The following CSMD3 variants were observed in gnomAD, a reference collection of about 807,000 sequenced individuals.
CSMD3 encodes the protein CUB and sushi domain-containing protein 3.
A neutral mutation model predicts 435.2 loss-of-function variants in CSMD3; 177 were observed. That is an observed-to-expected ratio of 0.41 (90% CI 0.36 to 0.46). CSMD3 has a LOEUF of 0.46. CSMD3 is among the 20% of genes least tolerant of loss of function. CSMD3 has a pLI of 0.34. For missense variants in CSMD3, 4,265 were observed against 4,504.6 expected (o/e 0.95, Z 1.52); for synonymous variants, 1,656 against 1,520.5 (o/e 1.09, Z -2.07).
chr8:112,415,181 G>T (rs1457722219), intron 32 of CSMD3, among the ~76,000 whole-genome samples: 1 of 152,204 alleles, frequency 6.6e-6, no homozygotes, highest in Non-Finnish European at 1.5e-5. Flanking sequence ...GCTTAGGAGG[G>T]AAAAATGGTT....
chr8:112,578,865 C>T (rs1436312067), intron 23 of CSMD3, among the ~76,000 whole-genome samples: 2 of 151,972 alleles, frequency 1.3e-5, no homozygotes, highest in Admixed American at 6.6e-5. Flanking sequence ...AGTGTCAGGC[C>T]TAATTTGGCT....
intron 16 of CSMD3, among the ~76,000 whole-genome samples, chr8:112,669,427 T>C (rs1490385055): frequency 6.6e-6 from 1 of 152,192 alleles, no homozygotes; most frequent in Non-Finnish European, 1.5e-5. Flanking sequence ...TATCCAAACT[T>C]AACAATGTTG....
chr8:112,410,628 G>GTATATATATATGTATATATATATGTGTA lies in CSMD3; in HGVS notation c.5396-1597_5396-1596insTACACATATATATATACATATATATATA, dbSNP rs373147062. ...TGTATATATATATGTATATATATGT[G>GTATATATATATGTATATATATATGTGTA]TATATATATGTATATATATATGTGT... On this transcript the variant is annotated intron_variant, in intron 32 of 70. Coordinates refer to ENST00000297405, the MANE Select transcript of CSMD3 (RefSeq NM_198123.2). Among the ~76,000 whole-genome samples the GTATATATATATGTATATATATATGTGTA allele has an allele frequency of 2.1e-4, 15 of 69,960 alleles. 1 individual carries two copies. The highest frequency in any genetic ancestry group is 4.4e-4 in the East Asian group (1 of 2,260). The allele number at this position is 69,960 out of a possible 152,430, so 45.9% of individuals were successfully genotyped here.
intron 12 of CSMD3, among the ~76,000 whole-genome samples, chr8:112,827,392 C>G (rs188049255): frequency 6.6e-6 from 1 of 151,374 alleles, no homozygotes; most frequent in Non-Finnish European, 1.5e-5. Context: ...TGAATGAAAG[C>G]TTCTTAAAAA....
intron 13 of CSMD3, among the ~76,000 whole-genome samples, chr8:112,783,960 C>T (rs1304277333): frequency 6.6e-6 from 1 of 151,900 alleles, no homozygotes; most frequent in Non-Finnish European, 1.5e-5. Context: ...AATATTAGTG[C>T]TAAAGAAAGA....
At chr8:113,163,719 T>A (rs2092092788) in intron 4 of CSMD3, among the ~76,000 whole-genome samples, 1 of 152,032 alleles carries the variant, frequency 6.6e-6, no homozygotes, top group South Asian at 2.1e-4. Flanking sequence ...AAAAATTGGG[T>A]CAGAACTAAA....
At chr8:112,361,778 A>G (rs1224435798) in intron 38 of CSMD3, among the ~76,000 whole-genome samples, 2 of 151,248 alleles carry the variant, frequency 1.3e-5, no homozygotes, top group Admixed American at 6.6e-5. Flanking sequence ...CTATGTATCT[A>G]TTTATTGAAA....
chr8:113,376,950 G>A lies in CSMD3; in HGVS notation c.178+59727C>T, dbSNP rs544716325. 812 of 1,542,454 alleles carry A rather than the reference G, an allele frequency of 5.3e-4. 4 individuals are homozygous for A. The African/African-American group carries it at 9.7e-3, about 18-fold the overall frequency. On this transcript the variant is annotated intron_variant, in intron 1 of 70. Transcript: ENST00000297405. ...TAACGGATGACGTGCGGGTTCAGGA[G>A]GTGCCCAAACTAAAGGTGTGTGCGC...
chr8:112,382,291 CAAAA>C (rs11384093), intron 37 of CSMD3, among the ~76,000 whole-genome samples: 1 of 116,766 alleles, frequency 8.6e-6, no homozygotes, highest in Non-Finnish European at 1.7e-5. Flanking sequence ...CTCTAAAATG[CAAAA>C]AAAAAAAAAA....
chr8:112,386,304 A>G (rs1317104595), intron 36 of CSMD3, among the ~76,000 whole-genome samples: 1 of 152,214 alleles, frequency 6.6e-6, no homozygotes, highest in African/African-American at 2.4e-5. Flanking sequence ...TACAGCAGCC[A>G]GAGAGATGTA....
At chr8:113,011,423 T>A (rs2086251542) in intron 6 of CSMD3, among the ~76,000 whole-genome samples, 1 of 151,894 alleles carries the variant, frequency 6.6e-6, no homozygotes, top group East Asian at 1.9e-4. Context: ...ACAGCAAAAA[T>A]TTTATTTCAG....
intron 22 of CSMD3, among the ~76,000 whole-genome samples, chr8:112,599,648 A>C (rs2131409010): frequency 6.6e-6 from 1 of 151,898 alleles, no homozygotes; most frequent in East Asian, 1.9e-4. Flanking sequence ...AACTGGATTA[A>C]GAAAATGTGG....
At chr8:113,394,500 C>A (rs1044606071) in intron 1 of CSMD3, among the ~76,000 whole-genome samples, 36 of 151,994 alleles carry the variant, frequency 2.4e-4, no homozygotes, top group Non-Finnish European at 4.4e-5. Context: ...CCTAAAAATG[C>A]TGGATCACAT....
intron 9 of CSMD3, among the ~76,000 whole-genome samples, chr8:112,946,087 A>G (rs2083602145): frequency 6.6e-6 from 1 of 151,808 alleles, no homozygotes; most frequent in Admixed American, 6.6e-5. Context: ...TATTACTATC[A>G]CATTATATTA....
intron 3 of CSMD3, among the ~76,000 whole-genome samples, chr8:113,249,193 T>G: frequency 6.6e-6 from 1 of 152,132 alleles, no homozygotes; most frequent in Non-Finnish European, 1.5e-5. Context: ...CAGCCATGAC[T>G]GTGAGGCCTC....
chr8:112,921,028 CACACACAT>C lies in CSMD3; in HGVS notation c.1633+591_1633+598del, dbSNP rs1338684911. Reference sequence around the variant, plus strand: ...ACACACACACACACACACACACACACACACACATATATATACCTCCAGTAATTCCAGAT... The same window carrying C: ...ACACACACACACACACACACACACACATATATACCTCCAGTAATTCCAGAT... On this transcript the variant is annotated intron_variant, in intron 10 of 70. Transcript: ENST00000297405. 2.6e-4 allele frequency among the ~76,000 whole-genome samples: 36 copies of C among 139,930 alleles called. 1 individual carries two copies. The South Asian group carries it at 3.6e-3, about 14-fold the overall frequency. 91.8% of individuals were successfully genotyped at this position (139,930 alleles called of 152,430 possible). A position where few individuals can be genotyped will look rare whatever the true frequency, so the allele number is the denominator to read the frequency against.
intron 11 of CSMD3, among the ~76,000 whole-genome samples, chr8:112,833,368 G>A (rs1164939403): frequency 1.3e-5 from 2 of 151,636 alleles, no homozygotes; most frequent in African/African-American, 4.8e-5. Context: ...AATGCTTTTT[G>A]TTATTGAAAG....
chr8:112,781,368 G>T (rs1174753904), intron 13 of CSMD3, among the ~76,000 whole-genome samples: 1 of 151,996 alleles, frequency 6.6e-6, no homozygotes, highest in African/African-American at 2.4e-5. Context: ...AAAGTAAAAA[G>T]AACTTTGTCT....
At chr8:112,972,349 GTAAT>G (rs1330085066) in intron 7 of CSMD3, among the ~76,000 whole-genome samples, 1 of 151,860 alleles carries the variant, frequency 6.6e-6, no homozygotes, top group African/African-American at 2.4e-5. Context: ...GTTTTACACT[GTAAT>G]TAACTTCAAC....
Sources: gnomAD v4.1 joint callset for allele counts (sites outside exome capture counted in the v4.1 genomes callset) on GRCh38, gnomAD v4.1.1 for gene constraint, MANE v1.5 for transcripts, NCBI Gene and HGNC (gene_info 2026-07-23, HGNC 2026-07-21) for gene names.